PTAR1: variants seen among roughly 807,000 people sequenced by gnomAD.
PTAR1 encodes the protein protein prenyltransferase alpha subunit repeat containing 1, also known as protein prenyltransferase alpha subunit repeat-containing protein 1.
A neutral mutation model predicts 45.5 loss-of-function variants in PTAR1; 17 were observed. The observed-to-expected ratio is 0.37, with a 90% CI of 0.26 to 0.56. The LOEUF (loss-of-function observed/expected upper bound fraction) is 0.56, where lower values mean the gene tolerates loss of function less well. Ranked by LOEUF, PTAR1 falls within the 20% of genes least tolerant of loss-of-function variation. The pLI, the probability that PTAR1 is intolerant of heterozygous loss-of-function variation, is 0.77. For missense variants in PTAR1, 391 were observed against 476.3 expected (o/e 0.82, Z 1.67); for synonymous variants, 169 against 171.3 (o/e 0.99, Z 0.11).
rs936823731 is a variant in PTAR1, at chr9:69,717,722, T to A, written c.*620A>T. 1.3e-5 allele frequency: 2 copies of A among 152,228 alleles called. No individual in the cohort carries two copies. Among genetic ancestry groups the A allele is most frequent in the African/African-American group, 4.8e-5 (2 of 41,458 alleles). 9.4% of individuals were successfully genotyped at this position (152,228 alleles called of 1,614,324 possible). ...TGCAACATAAATGTTTATTTTCAAT[T>A]TGTTTTAGAGACAGGGTCTCAACTC... On this transcript the variant is annotated 3_prime_UTR_variant, in exon 8 of 8. Coordinates refer to ENST00000340434, the MANE Select transcript of PTAR1 (RefSeq NM_001099666.2).
intron 2 of PTAR1, among the ~76,000 whole-genome samples, chr9:69,743,705 A>C (rs1015719542): frequency 3.9e-5 from 6 of 152,188 alleles, no homozygotes; most frequent in Non-Finnish European, 7.4e-5. Context: ...ATTCTATGTC[A>C]CTATTCATTT....
intron 5 of PTAR1, 76 bp from the exon 6 acceptor site, chr9:69,723,706 CTCTT>C: frequency 8.8e-7 from 1 of 1,132,696 alleles, no homozygotes; most frequent in Non-Finnish European, 1.3e-6. Flanking sequence ...CCTCTGATTT[CTCTT>C]TGATTTGTTC....
chr9:69,741,533 A>C (rs1826043305), intron 3 of PTAR1: 1 of 407,186 alleles, frequency 2.5e-6, no homozygotes, highest in African/African-American at 2.0e-5. Context: ...CCAAAAAATG[A>C]AGGAAAATAA....
chr9:69,731,358 A>G (rs1825527050), intron 5 of PTAR1, among the ~76,000 whole-genome samples: 1 of 152,174 alleles, frequency 6.6e-6, no homozygotes, highest in South Asian at 2.1e-4. Context: ...TTTTTAGATG[A>G]GCACCCTAGA....
At chr9:69,744,724 T>A (rs1414601560) in intron 2 of PTAR1, among the ~76,000 whole-genome samples, 1 of 152,142 alleles carries the variant, frequency 6.6e-6, no homozygotes, top group Non-Finnish European at 1.5e-5. Flanking sequence ...GTTACTTACA[T>A]AAATATTGTC....
rs1311994979 is a variant in PTAR1 at position 69,754,707 on chromosome 9, AAT to A, written c.87-3759_87-3758del. 3.1e-4 allele frequency among the ~76,000 whole-genome samples: 19 copies of A among 61,948 alleles called. No homozygotes were observed. In the East Asian group the frequency reaches 4.1e-3, roughly 13 times the overall value. The allele number at this position is 61,948 out of a possible 152,430, so 40.6% of individuals were successfully genotyped here. On this transcript the variant is annotated intron_variant, in intron 1 of 7. Transcript: ENST00000340434. ...CAGGTATGCACCACCATGCCCAGCT[AAT>A]ATATATATATATATTTTTTTTTTTT...
intron 3 of PTAR1, among the ~76,000 whole-genome samples, chr9:69,736,485 A>G (rs1185801395): frequency 6.6e-6 from 1 of 152,182 alleles, no homozygotes; most frequent in Non-Finnish European, 1.5e-5. Context: ...TGAACCCAGG[A>G]GGCAGAGGTT....
Position 69,750,855 on chromosome 9 carries a change from A to G in PTAR1, c.182T>C (p.Val61Ala). ...GTGGACATATGGTAAAAGGAACTTG[A>G]CACACCAGCTCTCCACACCCAGTTT... ...ENKLGVESWC[V>A]KFLLPYVHNK... Residue 61 changes from valine to alanine, a missense_variant, in exon 2 of 8, where the codon GTC (valine) becomes GCC (alanine). Around this residue, in one of 5 missense-constraint regions of PTAR1, gnomAD observed 152 missense variants for 160.0 expected, o/e 0.95. Transcript: ENST00000340434. The G allele has an allele frequency of 6.2e-7, 1 of 1,610,876 alleles. No homozygotes were observed. The highest frequency in any genetic ancestry group is 1.1e-5 in the South Asian group (1 of 90,610).
intron 2 of PTAR1, among the ~76,000 whole-genome samples, chr9:69,745,286 G>C (rs1826228239): frequency 6.6e-6 from 1 of 152,204 alleles, no homozygotes; most frequent in African/African-American, 2.4e-5. Flanking sequence ...TAGTTACATG[G>C]AAAGGTTTGT....
intron 6 of PTAR1, among the ~76,000 whole-genome samples, chr9:69,723,009 G>A (rs910353566): frequency 6.6e-6 from 1 of 150,442 alleles, no homozygotes; most frequent in Admixed American, 6.6e-5. Flanking sequence ...GTATCTCCAA[G>A]GAAGGAGTCA....
At chr9:69,759,579 TC>T (rs751560665) in intron 1 of PTAR1, among the ~76,000 whole-genome samples, 5 of 152,158 alleles carry the variant, frequency 3.3e-5, no homozygotes, top group Non-Finnish European at 7.4e-5. Flanking sequence ...TTTCGTGAAC[TC>T]CTATGAAAAG....
At chr9:69,754,532 CT>C (rs60025062) in intron 1 of PTAR1, among the ~76,000 whole-genome samples, 33,551 of 75,962 alleles carry the variant, frequency 0.44, 6,583 homozygotes, top group Middle Eastern at 0.5. Context: ...GGGTATATAT[CT>C]TTTTTTTTTT....
intron 1 of PTAR1, among the ~76,000 whole-genome samples, chr9:69,756,766 T>A (rs1444567064): frequency 6.6e-6 from 1 of 152,176 alleles, no homozygotes; most frequent in Non-Finnish European, 1.5e-5. Flanking sequence ...TAGCACTTGC[T>A]CATCATGCTC....
chr9:69,726,252 A>G (rs1481051513), intron 5 of PTAR1, among the ~76,000 whole-genome samples: 2 of 152,144 alleles, frequency 1.3e-5, no homozygotes, highest in Non-Finnish European at 2.9e-5. Context: ...ATGTATGCAC[A>G]TGCACAGAGT....
chr9:69,722,177 G>T (rs901695222), intron 6 of PTAR1, among the ~76,000 whole-genome samples: 5 of 152,166 alleles, frequency 3.3e-5, no homozygotes, highest in African/African-American at 9.7e-5. Flanking sequence ...CTAGACTGGA[G>T]AAAGAAAGAA....
chr9:69,755,091 G>A (rs935518577), intron 1 of PTAR1, among the ~76,000 whole-genome samples: 2 of 152,084 alleles, frequency 1.3e-5, no homozygotes, highest in African/African-American at 4.8e-5. Context: ...CTTTTACACT[G>A]TTAGGTTTCT....
intron 2 of PTAR1, among the ~76,000 whole-genome samples, chr9:69,744,768 G>A (rs1217262775): frequency 2.6e-5 from 4 of 152,196 alleles, no homozygotes; most frequent in African/African-American, 7.2e-5. Context: ...TTGCACGCAG[G>A]TCCTCTCTAA....
chr9:69,736,899 A>T (rs1825814211), intron 3 of PTAR1, among the ~76,000 whole-genome samples: 2 of 152,186 alleles, frequency 1.3e-5, no homozygotes, highest in African/African-American at 4.8e-5. Context: ...ATGTTAATAT[A>T]TGGACACTGA....
intron 2 of PTAR1, among the ~76,000 whole-genome samples, chr9:69,748,501 TGGTTA>T (rs1468990027): frequency 1.3e-5 from 2 of 152,126 alleles, no homozygotes; most frequent in Non-Finnish European, 2.9e-5. Flanking sequence ...GAATTCAGTT[TGGTTA>T]GGAAGAAAAA....
Sources: gnomAD v4.1 joint callset for allele counts (sites outside exome capture counted in the v4.1 genomes callset) on GRCh38, gnomAD v4.1.1 for gene constraint, gnomAD v4.1.1 regional missense constraint, MANE v1.5 for transcripts, NCBI Gene and HGNC (gene_info 2026-07-23, HGNC 2026-07-21) for gene names.